PRICKLE2: variants seen among roughly 807,000 people sequenced by gnomAD.
The protein encoded by PRICKLE2 is prickle-like protein 2.
In PRICKLE2, 21 loss-of-function variants were observed where a neutral mutation model predicts 81.4. The ratio of observed to expected loss-of-function variants is 0.26; its 90% CI spans 0.18 to 0.37. The LOEUF is 0.37. Among genes scored for constraint, PRICKLE2 ranks in the 10% least tolerant of loss-of-function variants. The pLI is 1.00. For missense variants in PRICKLE2, 940 were observed against 1,109.0 expected, an observed-to-expected ratio of 0.85 and a Z score of 2.16; for synonymous variants, 456 against 421.5, an observed-to-expected ratio of 1.08 and a Z score of -1.00.
intron 2 of PRICKLE2, among the ~76,000 whole-genome samples, chr3:64,251,913 GA>G (rs1254137514): frequency 1.3e-5 from 2 of 152,150 alleles, no homozygotes; most frequent in Non-Finnish European, 1.5e-5. Context: ...AGGCTTTGGG[GA>G]CACATCAGTG....
intron 1 of PRICKLE2, among the ~76,000 whole-genome samples, chr3:64,205,100 T>TC (rs1302989131): frequency 3.8e-5 from 2 of 53,242 alleles, no homozygotes; most frequent in Non-Finnish European, 1.1e-4. Flanking sequence ...CAGGATTTCG[T>TC]TAAAAAAAAA....
At chr3:64,232,212 A>T (rs919548213) in intron 2 of PRICKLE2, among the ~76,000 whole-genome samples, 1 of 152,024 alleles carries the variant, frequency 6.6e-6, no homozygotes, top group Non-Finnish European at 1.5e-5. Flanking sequence ...TATGTGATTA[A>T]CCTCTCTCTC....
rs1252147596 is a variant in PRICKLE2 at position 64,142,297 on chromosome 3, TTTTC to T, written c.1660+4529_1660+4532del. ...AGGAAAAAAGGAGCCTGCAGGAGTA[TTTTC>T]TTTCTTTCTTTCTTTTTTTTTTTTT... On this transcript the variant is annotated intron_variant, in intron 7 of 7. Coordinates refer to ENST00000638394, the MANE Select transcript of PRICKLE2 (RefSeq NM_198859.4). 6.6e-3 allele frequency among the ~76,000 whole-genome samples: 922 copies of T among 138,660 alleles called. 17 individuals carry two copies. The highest frequency in any genetic ancestry group is 0.023 in the African/African-American group (890 of 38,330). The allele number at this position is 138,660 out of a possible 152,430, so 91.0% of individuals were successfully genotyped here. A position where few individuals can be genotyped will look rare whatever the true frequency, so the allele number is the denominator to read the frequency against.
intron 7 of PRICKLE2, among the ~76,000 whole-genome samples, chr3:64,128,591 C>CA (rs2077148080): frequency 6.6e-6 from 1 of 151,796 alleles, no homozygotes; most frequent in African/African-American, 2.4e-5. Flanking sequence ...ACTAAAAATA[C>CA]AAAAAATTAG....
At chr3:64,122,320 C>G (rs529640960) in intron 7 of PRICKLE2, among the ~76,000 whole-genome samples, 73 of 152,232 alleles carry the variant, frequency 4.8e-4, no homozygotes, top group African/African-American at 1.5e-3. Flanking sequence ...ACCCTTTGCC[C>G]CCAAAAATTC....
intron 2 of PRICKLE2, among the ~76,000 whole-genome samples, chr3:64,167,668 G>A (rs77771026): frequency 0.028 from 4,297 of 152,306 alleles, 186 homozygotes; most frequent in African/African-American, 0.098. Context: ...AAAGATGGAG[G>A]CTGGAGAAGC....
rs2079018002 is a variant in PRICKLE2, at chr3:64,225,433, C to T, written c.-564G>A. On this transcript the variant is annotated 5_prime_UTR_variant, in exon 1 of 8. Transcript: ENST00000638394. ...AAAATAATAATAACTCTCGGTGGCGCTGCTGGTGGTGCCTGAGAAGTCGCT... is the reference window on the plus strand; with the variant it reads ...AAAATAATAATAACTCTCGGTGGCGTTGCTGGTGGTGCCTGAGAAGTCGCT... The T allele has an allele frequency of 1.0e-6, 1 of 961,954 alleles. No homozygotes were observed. The allele number at this position is 961,954 out of a possible 1,614,324, so 59.6% of individuals were successfully genotyped here.
At chr3:64,252,219 G>C (rs1176933763) in intron 2 of PRICKLE2, among the ~76,000 whole-genome samples, 1 of 152,154 alleles carries the variant, frequency 6.6e-6, no homozygotes, top group Non-Finnish European at 1.5e-5. Flanking sequence ...AAAAATGTGA[G>C]GCAATCACCA....
intron 7 of PRICKLE2, among the ~76,000 whole-genome samples, chr3:64,131,482 G>A (rs989884031): frequency 2.0e-5 from 3 of 152,154 alleles, no homozygotes; most frequent in African/African-American, 4.8e-5. Context: ...GAAAAATAAG[G>A]GGATTTGTGA....
At chr3:64,182,181 T>C (rs762476362) in intron 2 of PRICKLE2, among the ~76,000 whole-genome samples, 2 of 152,088 alleles carry the variant, frequency 1.3e-5, no homozygotes, top group East Asian at 3.9e-4. Flanking sequence ...AGATTAATGC[T>C]GACATAAAGA....
chr3:64,201,321 T>G (rs1416632573), intron 1 of PRICKLE2, among the ~76,000 whole-genome samples: 2 of 152,236 alleles, frequency 1.3e-5, no homozygotes, highest in Non-Finnish European at 2.9e-5. Context: ...ACTCCCAAAT[T>G]GTTTTCACAA....
intron 3 of PRICKLE2, 56 bp downstream of exon 3, chr3:64,162,960 A>G (rs949427133): frequency 9.4e-7 from 1 of 1,062,938 alleles, no homozygotes; most frequent in Non-Finnish European, 1.5e-6. Context: ...TGAAAAAGGT[A>G]ACAATTCATA....
At chr3:64,165,136 G>A (rs1040733725) in intron 2 of PRICKLE2, among the ~76,000 whole-genome samples, 3 of 152,112 alleles carry the variant, frequency 2.0e-5, no homozygotes, top group South Asian at 2.1e-4. Context: ...GTCTAGTTGC[G>A]GTTCCATCGA....
intron 2 of PRICKLE2, chr3:64,174,904 TTAG>T (rs1407305267): frequency 9.5e-6 from 2 of 210,216 alleles, no homozygotes; most frequent in African/African-American, 4.6e-5. Flanking sequence ...TGGTGTGCTG[TTAG>T]AAGGTCCTGG....
intron 7 of PRICKLE2, among the ~76,000 whole-genome samples, chr3:64,122,591 G>A (rs1003430997): frequency 1.1e-4 from 16 of 152,158 alleles, no homozygotes; most frequent in Non-Finnish European, 2.1e-4. Context: ...TCACTTGTGG[G>A]TGACCCTAGA....
intron 7 of PRICKLE2, among the ~76,000 whole-genome samples, chr3:64,103,961 C>T (rs980212295): frequency 2.0e-5 from 3 of 152,134 alleles, no homozygotes; most frequent in African/African-American, 7.2e-5. Context: ...GCCTGGGCAA[C>T]AGAGCGAGCC....
At chr3:64,231,965 A>C (rs147674359) in intron 2 of PRICKLE2, among the ~76,000 whole-genome samples, 27 of 152,302 alleles carry the variant, frequency 1.8e-4, no homozygotes, top group African/African-American at 6.5e-4. Context: ...ACAAAAACAA[A>C]AACCAGGTGT....
intron 2 of PRICKLE2, among the ~76,000 whole-genome samples, chr3:64,244,603 G>GGT (rs71680837): frequency 0.13 from 11,804 of 91,526 alleles, 484 homozygotes; most frequent in Middle Eastern, 0.14. Flanking sequence ...GTGAATGACT[G>GGT]GTGTGTGTGT....
chr3:64,213,025 C>A (rs2078813652), intron 1 of PRICKLE2, among the ~76,000 whole-genome samples: 1 of 151,420 alleles, frequency 6.6e-6, no homozygotes, highest in Non-Finnish European at 1.5e-5. Flanking sequence ...GATTATGTAT[C>A]CTTGACCAAG....
Sources: gnomAD v4.1 joint callset for allele counts (sites outside exome capture counted in the v4.1 genomes callset) on GRCh38, gnomAD v4.1.1 for gene constraint, MANE v1.5 for transcripts, NCBI Gene and HGNC (gene_info 2026-07-23, HGNC 2026-07-21) for gene names.